DACH2: variants seen among roughly 807,000 people sequenced by gnomAD.
DACH2 encodes the protein dachshund family transcription factor 2.
In DACH2, 17 loss-of-function variants were observed where a neutral mutation model predicts 35.8. The observed-to-expected ratio is 0.48, with a 90% confidence interval of 0.33 to 0.71. The LOEUF (loss-of-function observed/expected upper bound fraction) is 0.71. Among genes scored for constraint, DACH2 ranks in the 30% least tolerant of loss-of-function variants. DACH2 has a pLI of 0.02. For synonymous variants in DACH2, 195 were observed against 177.3 expected (o/e 1.10, Z -0.79); for missense variants, 469 against 472.7 (o/e 0.99, Z 0.07).
intron 3 of DACH2, among the ~76,000 whole-genome samples, chrX:86,619,438 G>A (rs1290306742): frequency 8.9e-6 from 1 of 112,051 alleles, no homozygotes; most frequent in Non-Finnish European, 1.9e-5. Flanking sequence ...AATGACATAA[G>A]TAGGGACAAG....
At chrX:86,201,358 A>G (rs1418665248) in intron 1 of DACH2, among the ~76,000 whole-genome samples, 1 of 110,613 alleles carries the variant, frequency 9.0e-6, no homozygotes, top group Non-Finnish European at 1.9e-5. Context: ...TACCTGGGTG[A>G]TTAAATAATC....
intron 3 of DACH2, among the ~76,000 whole-genome samples, chrX:86,530,505 C>G (rs1381987653): frequency 9.0e-6 from 1 of 111,658 alleles, no homozygotes; most frequent in Admixed American, 9.6e-5. Context: ...CTCTTTCTCT[C>G]TCTTTCTCTC....
At chrX:86,343,453 A>G (rs1261752215) in intron 1 of DACH2, among the ~76,000 whole-genome samples, 2 of 111,798 alleles carry the variant, frequency 1.8e-5, no homozygotes, top group African/African-American at 6.5e-5. Context: ...TCATCTGCCC[A>G]GAGCTGTGAC....
At chrX:86,627,970 G>A (rs1004531559) in intron 3 of DACH2, among the ~76,000 whole-genome samples, 3 of 112,316 alleles carry the variant, frequency 2.7e-5, no homozygotes, top group East Asian at 5.7e-4. Context: ...TAACAGGATA[G>A]TCAGGCAGAA....
chrX:86,414,493 C>T (rs2036668246), intron 2 of DACH2, among the ~76,000 whole-genome samples: 2 of 111,483 alleles, frequency 1.8e-5, no homozygotes, highest in South Asian at 7.5e-4. Context: ...GACTGAGGTT[C>T]CTACTGTTAG....
chrX:86,392,272 G>A (rs767870587), intron 2 of DACH2, among the ~76,000 whole-genome samples: 2 of 111,509 alleles, frequency 1.8e-5, no homozygotes, highest in Non-Finnish European at 3.8e-5. Flanking sequence ...ATTTTACTCT[G>A]TGATGTATAA....
At chrX:86,387,379 T>C (rs893300137) in intron 2 of DACH2, among the ~76,000 whole-genome samples, 4 of 111,813 alleles carry the variant, frequency 3.6e-5, no homozygotes, top group Non-Finnish European at 5.6e-5. Context: ...AAGTAGCTTT[T>C]TGTTCTGGAA....
intron 2 of DACH2, among the ~76,000 whole-genome samples, chrX:86,442,778 C>T (rs747565624): frequency 2.9e-4 from 32 of 111,524 alleles, no homozygotes; most frequent in African/African-American, 1.0e-3. Flanking sequence ...AGTGGATATC[C>T]AGCTTTCTCA....
At chrX:86,237,280 TAGA>T (rs779767527) in intron 1 of DACH2, among the ~76,000 whole-genome samples, 29 of 111,621 alleles carry the variant, frequency 2.6e-4, no homozygotes, top group Non-Finnish European at 4.5e-4. Flanking sequence ...TTTTAATAAG[TAGA>T]AGGAGTACAC....
At chrX:86,754,333 T>C (rs770667659) in intron 7 of DACH2, among the ~76,000 whole-genome samples, 6 of 109,736 alleles carry the variant, frequency 5.5e-5, no homozygotes, top group African/African-American at 2.0e-4. Flanking sequence ...TTAAGATGAA[T>C]GAGGATAGGG....
intron 1 of DACH2, among the ~76,000 whole-genome samples, chrX:86,376,521 A>G (rs1032682496): frequency 9.0e-6 from 1 of 110,673 alleles, no homozygotes. Flanking sequence ...CCTTGTCTTC[A>G]TATATGGAAA....
chrX:86,771,470 G>A (rs1468482657), intron 7 of DACH2, among the ~76,000 whole-genome samples: 1 of 112,188 alleles, frequency 8.9e-6, no homozygotes, highest in African/African-American at 3.2e-5. Context: ...TGTTTGCTTT[G>A]AAAGATGAGT....
chrX:86,772,167 A>C (rs753127195), intron 7 of DACH2, among the ~76,000 whole-genome samples: 1 of 111,733 alleles, frequency 8.9e-6, no homozygotes, highest in African/African-American at 3.2e-5. Flanking sequence ...GGAGATAATT[A>C]ATGTTAAATG....
chrX:86,184,951 A>G (rs2031638292), intron 1 of DACH2, among the ~76,000 whole-genome samples: 1 of 111,702 alleles, frequency 9.0e-6, no homozygotes, highest in Non-Finnish European at 1.9e-5. Flanking sequence ...CTGATTATCC[A>G]TCAAATAGGG....
At chrX:86,348,444 A>G (rs2035532665) in intron 1 of DACH2, among the ~76,000 whole-genome samples, 1 of 111,888 alleles carries the variant, frequency 8.9e-6, no homozygotes, top group Non-Finnish European at 1.9e-5. Context: ...GAACTGAACC[A>G]TAAATGTATA....
At chrX:86,244,743 A>AATATTTATC (rs1244578625) in intron 1 of DACH2, among the ~76,000 whole-genome samples, 1 of 112,282 alleles carries the variant, frequency 8.9e-6, no homozygotes, top group Admixed American at 9.4e-5. Context: ...TACTACCTTA[A>AATATTTATC]ATATTTATCA....
chrX:86,312,062 G>T (rs1040967109), intron 1 of DACH2, among the ~76,000 whole-genome samples: 4 of 111,628 alleles, frequency 3.6e-5, no homozygotes, highest in Non-Finnish European at 7.5e-5. Context: ...GCTTGCTGAA[G>T]GCAACAGGAA....
chrX:86,195,963 G>C lies in DACH2; in HGVS notation c.488+46855G>C, dbSNP rs1264753763. Among the ~76,000 whole-genome samples, 4 of 111,893 alleles carry C rather than the reference G, an allele frequency of 3.6e-5. No individual in the cohort carries two copies. In the Middle Eastern group the frequency reaches 0.014, roughly 383 times the overall value. ...AGGGCAGCAACTTCAAAGACTGAAGGAACATAAGCCCACAAAGATGAGAAA... is the reference window on the plus strand; with the variant it reads ...AGGGCAGCAACTTCAAAGACTGAAGCAACATAAGCCCACAAAGATGAGAAA... On this transcript the variant is annotated intron_variant, in intron 1 of 11. Transcript: ENST00000373125.
At chrX:86,638,626 A>G (rs1447808386) in intron 3 of DACH2, among the ~76,000 whole-genome samples, 1 of 112,247 alleles carries the variant, frequency 8.9e-6, no homozygotes, top group Non-Finnish European at 1.9e-5. Flanking sequence ...TGAAAAGAAG[A>G]CATACAAATG....
Sources: gnomAD v4.1 joint callset for allele counts (sites outside exome capture counted in the v4.1 genomes callset) on GRCh38, gnomAD v4.1.1 for gene constraint, MANE v1.5 for transcripts, NCBI Gene and HGNC (gene_info 2026-07-23, HGNC 2026-07-21) for gene names.